The following ZNF75D variants were observed in gnomAD, a reference collection of about 807,000 sequenced individuals.
The protein encoded by ZNF75D is zinc finger protein 75D.
A neutral mutation model predicts 33.3 loss-of-function variants in ZNF75D; 33 were observed. The ratio of observed to expected loss-of-function variants is 0.99; its 90% CI spans 0.75 to 1.32. The LOEUF is 1.32. ZNF75D is among the 40% of genes most tolerant of loss of function. The pLI is 0.00. For missense variants in ZNF75D, 338 were observed against 367.5 expected, an observed-to-expected ratio of 0.92 and a Z score of 0.66; for synonymous variants, 113 against 130.6, an observed-to-expected ratio of 0.87 and a Z score of 0.92.
Position 135,287,755 on chromosome X carries a change from C to G in ZNF75D, c.915G>C (p.Lys305Asn). The change falls in exon 7 of 7, where the codon AAG (lysine) becomes AAC (asparagine). Residue 305 changes from lysine (K) to asparagine (N), a missense_variant. Physicochemically the swap from Lys to Asn is moderately conservative, Grantham distance 94. Coordinates refer to ENST00000370766, the MANE Select transcript of ZNF75D (RefSeq NM_007131.5). Reference sequence around the variant, plus strand: ...TTTTCTGGGCAATTTTCATTCTGGTCTTTTTTGATACTTCGCATCCTGATG... The same window carrying G: ...TTTTCTGGGCAATTTTCATTCTGGTGTTTTTTGATACTTCGCATCCTGATG... Reference protein sequence around the residue: ...IQTSGCEVSKKTRMKIAQKTM... With the variant: ...IQTSGCEVSKNTRMKIAQKTM... The G allele has an allele frequency of 8.3e-7, 1 of 1,211,139 alleles. No homozygotes were observed. The highest frequency in any genetic ancestry group is 1.8e-5 in the South Asian group (1 of 56,929).
chrX:135,280,109 TGG>T (rs1279557038), intron 1 of ZNF75D, among the ~76,000 whole-genome samples: 1 of 111,664 alleles, frequency 9.0e-6, no homozygotes, highest in Non-Finnish European at 1.9e-5. Flanking sequence ...TATTATTGTG[TGG>T]GAGTCTACAT....
intron 1 of ZNF75D, among the ~76,000 whole-genome samples, chrX:135,300,611 G>T (rs1254115923): frequency 9.0e-6 from 1 of 110,782 alleles, no homozygotes; most frequent in Non-Finnish European, 1.9e-5. Flanking sequence ...GCTGGGTGTG[G>T]TGGCACATGC....
chrX:135,259,262 T>G (rs1291636464), intron 1 of ZNF75D, among the ~76,000 whole-genome samples: 1 of 112,005 alleles, frequency 8.9e-6, no homozygotes, highest in Non-Finnish European at 1.9e-5. Flanking sequence ...GGCTTAGGAT[T>G]GTCTTGGCAA....
At chrX:135,290,697 T>A (rs1210299215) in intron 6 of ZNF75D, among the ~76,000 whole-genome samples, 9 of 112,764 alleles carry the variant, frequency 8.0e-5, no homozygotes, top group Non-Finnish European at 1.3e-4. Flanking sequence ...TAGTTATTAA[T>A]TTTTCTGTGG....
chrX:135,276,158 T>C (rs782140188), intron 1 of ZNF75D, among the ~76,000 whole-genome samples: 76 of 111,663 alleles, frequency 6.8e-4, no homozygotes, highest in African/African-American at 2.4e-3. Context: ...CCCAAAACAA[T>C]CTTGAAAAAG....
At chrX:135,302,682 A>G (rs1326727744) in intron 1 of ZNF75D, among the ~76,000 whole-genome samples, 4 of 111,730 alleles carry the variant, frequency 3.6e-5, no homozygotes, top group African/African-American at 1.3e-4. Flanking sequence ...AAAGGGAAGG[A>G]GTATAATGTG....
rs1403239549 is a variant in ZNF75D at position 135,322,096 on chromosome X, C to CCAGCTGGTCAG, written c.-391+19661_-391+19671dup. Among the ~76,000 whole-genome samples, 6 of 111,964 alleles carry CCAGCTGGTCAG rather than the reference C, an allele frequency of 5.4e-5. No individual in the cohort carries two copies. In the East Asian group the frequency reaches 1.7e-3, roughly 31 times the overall value. On this transcript the variant is annotated intron_variant, in intron 1 of 6. Coordinates refer to ENST00000370766, the MANE Select transcript of ZNF75D (RefSeq NM_007131.5). The stretch of plus-strand genomic sequence containing the variant: ...CTTTGCTGAATAAATGCGAGTCTCA[C>CCAGCTGGTCAG]CAGCTGGTCAGGACCTCGGCTGCTA...
intron 1 of ZNF75D, among the ~76,000 whole-genome samples, chrX:135,314,840 T>A (rs1305035443): frequency 8.9e-6 from 1 of 111,829 alleles, no homozygotes; most frequent in Non-Finnish European, 1.9e-5. Flanking sequence ...TCATTTCTGA[T>A]TTTATTTATT....
rs1326648839 is a variant in ZNF75D, at chrX:135,294,055, T to C, written c.86A>G (p.Asn29Ser). 2.5e-6 allele frequency: 3 copies of C among 1,209,535 alleles called. No homozygotes were observed. The African/African-American group carries it at 5.2e-5, about 21-fold the overall frequency. The change falls in exon 3 of 7, where the codon AAC (asparagine) becomes AGC (serine). Residue 29 changes from asparagine to serine, a missense_variant. Physicochemically the swap from Asn to Ser is conservative, Grantham distance 46. Coordinates refer to ENST00000370766, the MANE Select transcript of ZNF75D (RefSeq NM_007131.5). ...MWETSGSVKENSSQSKKYSTK... is the reference protein window; with the variant it reads ...MWETSGSVKESSSQSKKYSTK... The stretch of plus-strand genomic sequence containing the variant: ...GCTGTATTTCTTACTCTGACTGGAG[T>C]TCTCTTTCACAGACCCACTAGTCTC...
chrX:135,327,716 A>G (rs1342914228), intron 1 of ZNF75D: 1 of 111,947 alleles, frequency 8.9e-6, no homozygotes, highest in Non-Finnish European at 1.9e-5. Flanking sequence ...CTGTGGGAGG[A>G]GTTACCAAAA....
chrX:135,292,828 T>C (rs2084066390), intron 3 of ZNF75D, among the ~76,000 whole-genome samples: 1 of 111,801 alleles, frequency 8.9e-6, no homozygotes, highest in Non-Finnish European at 1.9e-5. Context: ...TGGATCCTTG[T>C]TTTAGTGAAT....
intron 1 of ZNF75D, among the ~76,000 whole-genome samples, chrX:135,301,735 C>T (rs1335567990): frequency 8.9e-6 from 1 of 111,949 alleles, no homozygotes; most frequent in Admixed American, 9.4e-5. Context: ...TCCAGGCACA[C>T]GGTACAAGCT....
intron 5 of ZNF75D, 45 bp downstream of exon 5, chrX:135,291,427 G>A: frequency 8.3e-7 from 1 of 1,199,506 alleles, no homozygotes; most frequent in South Asian, 1.8e-5. Flanking sequence ...GCAGAGGCAA[G>A]GCCACAGTCA....
intron 5 of ZNF75D, 81 bp downstream of exon 5, chrX:135,291,390 AC>A: frequency 9.1e-7 from 1 of 1,097,929 alleles, no homozygotes; most frequent in Non-Finnish European, 1.3e-6. Context: ...CCTGCTGGAC[AC>A]TATGAGTCCT....
intron 1 of ZNF75D, among the ~76,000 whole-genome samples, chrX:135,257,611 C>G (rs1450120669): frequency 8.9e-6 from 1 of 112,944 alleles, no homozygotes; most frequent in Non-Finnish European, 1.9e-5. Context: ...AAGGGAATGA[C>G]CTTGGGCAAG....
At chrX:135,334,747 C>T (rs940750566) in intron 1 of ZNF75D, among the ~76,000 whole-genome samples, 6 of 111,805 alleles carry the variant, frequency 5.4e-5, no homozygotes, top group African/African-American at 1.6e-4. Context: ...CACACAGCTG[C>T]ATGATTCCAG....
At chrX:135,270,288 G>A (rs782067324) in intron 1 of ZNF75D, among the ~76,000 whole-genome samples, 1 of 100,994 alleles carries the variant, frequency 9.9e-6, no homozygotes, top group East Asian at 3.0e-4. Context: ...AATTCTTGAG[G>A]AGATGGATAC....
intron 1 of ZNF75D, among the ~76,000 whole-genome samples, chrX:135,304,850 T>C (rs1436459570): frequency 8.9e-6 from 1 of 112,810 alleles, no homozygotes; most frequent in Admixed American, 9.3e-5. Flanking sequence ...CTGACTTACA[T>C]ATTTAGACTC....
At position 135,292,313 on chromosome X, in the gene ZNF75D, G is replaced by A. The variant is rs1556421470; in HGVS notation, c.572C>T (p.Thr191Ile). The A allele has an allele frequency of 8.3e-7, 1 of 1,209,672 alleles. No individual in the cohort carries two copies. Among genetic ancestry groups the A allele is most frequent in the East Asian group, 3.0e-5 (1 of 33,803 alleles). Reference protein sequence around the residue: ...RVLQEQLGWNTHKETQPVYER... With the variant: ...RVLQEQLGWNIHKETQPVYER... ...ATATACAGGCTGGGTTTCTTTGTGAGTGTTCCAGCCCAGCTGTTCTTGTAG... is the reference window on the plus strand; with the variant it reads ...ATATACAGGCTGGGTTTCTTTGTGAATGTTCCAGCCCAGCTGTTCTTGTAG... Residue 191 changes from threonine (T) to isoleucine (I), a missense_variant, in exon 4 of 7, where the codon ACT becomes ATT. Coordinates refer to ENST00000370766, the MANE Select transcript of ZNF75D (RefSeq NM_007131.5).
Sources: gnomAD v4.1 joint callset for allele counts (sites outside exome capture counted in the v4.1 genomes callset) on GRCh38, gnomAD v4.1.1 for gene constraint, MANE v1.5 for transcripts, NCBI Gene and HGNC (gene_info 2026-07-23, HGNC 2026-07-21) for gene names.